The following SETX variants were observed in gnomAD, a reference collection of about 807,000 sequenced individuals.
The protein encoded by SETX is senataxin.
Under a neutral mutation model 227.2 loss-of-function variants are expected in SETX, and 90 were observed. That is an observed-to-expected ratio of 0.40 (90% CI 0.33 to 0.47). The LOEUF (loss-of-function observed/expected upper bound fraction) is 0.47, where lower values mean the gene tolerates loss of function less well. SETX is among the 20% of genes least tolerant of loss of function. SETX has a pLI of 0.91. For missense variants in SETX, 3,052 were observed against 3,181.5 expected (o/e 0.96, Z 0.98); for synonymous variants, 1,210 against 1,113.2 (o/e 1.09, Z -1.73).
chr9:132,277,317 A>G (rs1036799760), intron 21 of SETX, among the ~76,000 whole-genome samples, 165 bp from the exon 22 acceptor site: 8 of 152,318 alleles, frequency 5.3e-5, no homozygotes, highest in African/African-American at 1.9e-4. Context: ...TACAAAACAA[A>G]TTCTATTTCT....
intron 5 of SETX, among the ~76,000 whole-genome samples, chr9:132,339,166 T>C (rs377502378): frequency 3.3e-5 from 5 of 152,310 alleles, no homozygotes; most frequent in South Asian, 2.1e-4. Flanking sequence ...TTTCCTTTCA[T>C]AATCAATGCT....
intron 5 of SETX, among the ~76,000 whole-genome samples, chr9:132,341,474 T>A (rs1458673198): frequency 6.6e-6 from 1 of 152,068 alleles, no homozygotes; most frequent in Non-Finnish European, 1.5e-5. Flanking sequence ...TTCCTAAATA[T>A]AAATTTGGGC....
At chr9:132,273,548 G>A (rs999317517) in intron 23 of SETX, among the ~76,000 whole-genome samples, 7 of 152,130 alleles carry the variant, frequency 4.6e-5, no homozygotes, top group African/African-American at 9.7e-5. Flanking sequence ...TATTTATTCC[G>A]AAGTGTTTTA....
intron 2 of SETX, among the ~76,000 whole-genome samples, chr9:132,351,261 C>T (rs1848588901): frequency 6.6e-6 from 1 of 152,088 alleles, no homozygotes; most frequent in South Asian, 2.1e-4. Context: ...ATGATTTCAG[C>T]AGCTAACAGA....
At chr9:132,280,858 T>C (rs886253501) in intron 20 of SETX, among the ~76,000 whole-genome samples, 1 of 152,066 alleles carries the variant, frequency 6.6e-6, no homozygotes, top group African/African-American at 2.4e-5. Context: ...CAGAGAAGAG[T>C]AGACTACAGT....
rs948232391 is a variant in SETX at position 132,327,991 on chromosome 9, T to C, written c.3607A>G (p.Arg1203Gly). The C allele has an allele frequency of 3.7e-6, 6 of 1,613,722 alleles. No homozygotes were observed. Among genetic ancestry groups the C allele is most frequent in the African/African-American group, 1.3e-5 (1 of 74,904 alleles). The change falls in exon 10 of 26, where the codon AGA becomes GGA. Residue 1203 changes from arginine to glycine, a missense_variant. Transcript: ENST00000224140. ...LVGNDFKSID[R>G]RTSTPNSRIQ... ...CGTGAATTGGGAGTTGAAGTCCTTC[T>C]ATCAATACTTTTAAAATCATTTCCC...
chr9:132,339,984 A>T (rs998312417), intron 5 of SETX, among the ~76,000 whole-genome samples: 1 of 151,990 alleles, frequency 6.6e-6, no homozygotes, highest in Non-Finnish European at 1.5e-5. Flanking sequence ...CTTTGTTAAC[A>T]CTACTACTTC....
At position 132,277,116 on chromosome 9, in the gene SETX, T is replaced by C. The variant is rs750099198; in HGVS notation, c.6879A>G (p.Pro2293=). ...TEAIRCSSDW[P]FQPYLVFDVG... ...CATCAAACACAAGGTATGGCTGAAA[T>C]GGCCAATCTGATGAACATCGAATGG... The change falls in exon 22 of 26, where the codon CCA becomes CCG. Residue 2293 remains proline, a synonymous_variant. Transcript: ENST00000224140. 11 of 1,613,242 alleles carry C rather than the reference T, an allele frequency of 6.8e-6. No homozygotes were observed. The highest frequency in any genetic ancestry group is 6.6e-5 in the South Asian group (6 of 91,078).
intron 10 of SETX, among the ~76,000 whole-genome samples, chr9:132,315,897 T>C (rs1469491951): frequency 6.6e-6 from 1 of 152,164 alleles, no homozygotes; most frequent in Non-Finnish European, 1.5e-5. Flanking sequence ...GCTGTGTTAG[T>C]ATAACCGAAA....
chr9:132,339,486 A>G (rs1847835878), intron 5 of SETX, among the ~76,000 whole-genome samples: 1 of 152,158 alleles, frequency 6.6e-6, no homozygotes, highest in African/African-American at 2.4e-5. Context: ...TCACCTTACA[A>G]TCTAAATGCT....
rs3739917 is a variant in SETX at position 132,354,835 on chromosome 9, C to T, written c.-115+82G>A. On this transcript the variant is annotated intron_variant, in intron 1 of 25. Transcript: ENST00000224140. ...CGGGACCTAGGCGCCGCGATGGTTC[C>T]CCGAAGCGGCCCTGCAAGCACAAGC... 8,401 of 152,270 alleles carry T rather than the reference C, an allele frequency of 0.055. 346 individuals are homozygous for T. Among genetic ancestry groups the T allele is most frequent in the East Asian group, 0.25 (1,268 of 5,104 alleles). The allele number at this position is 152,270 out of a possible 1,614,324, so 9.4% of individuals were successfully genotyped here. A position where few individuals can be genotyped will look rare whatever the true frequency, so the allele number is the denominator to read the frequency against.
chr9:132,301,088 C>CTTTT (rs200657740), intron 11 of SETX, among the ~76,000 whole-genome samples: 37 of 123,964 alleles, frequency 3.0e-4, no homozygotes, highest in Non-Finnish European at 5.0e-4. Flanking sequence ...GTTTATTCTG[C>CTTTT]TTTTTTTTTT....
intron 18 of SETX, among the ~76,000 whole-genome samples, chr9:132,285,021 G>C (rs1268462219): frequency 6.6e-6 from 1 of 152,006 alleles, no homozygotes; most frequent in African/African-American, 2.4e-5. Context: ...TGGGATTACA[G>C]GTGCCCACCA....
intron 10 of SETX, among the ~76,000 whole-genome samples, chr9:132,317,258 AT>A (rs548792989): frequency 2.6e-5 from 4 of 151,816 alleles, no homozygotes; most frequent in African/African-American, 9.7e-5. Flanking sequence ...GACACTACGT[AT>A]TTTTTTGCAC....
At chr9:132,293,873 A>C (rs1589662702) in intron 15 of SETX, among the ~76,000 whole-genome samples, 1 of 152,082 alleles carries the variant, frequency 6.6e-6, no homozygotes, top group East Asian at 1.9e-4. Context: ...AAATACAAAA[A>C]ATTAGCCGGG....
intron 25 of SETX, 144 bp from the exon 26 acceptor site, chr9:132,265,129 A>G: frequency 9.9e-7 from 1 of 1,012,708 alleles, no homozygotes; most frequent in Non-Finnish European, 1.4e-6. Flanking sequence ...TCAGACAAGG[A>G]TGAAAGGAAA....
chr9:132,346,059 A>G (rs1331760115), intron 4 of SETX, among the ~76,000 whole-genome samples: 3 of 152,170 alleles, frequency 2.0e-5, no homozygotes, highest in African/African-American at 7.2e-5. Flanking sequence ...CCTCTGAACA[A>G]GATAAGTTTG....
At chr9:132,335,972 T>G (rs1006590342) in intron 6 of SETX, among the ~76,000 whole-genome samples, 9 of 152,164 alleles carry the variant, frequency 5.9e-5, no homozygotes, top group African/African-American at 2.2e-4. Flanking sequence ...CCGGGCGCGG[T>G]AGCTCACGCC....
chr9:132,269,507 C>T (rs781729500), intron 25 of SETX, 108 bp downstream of exon 25: 137 of 1,601,942 alleles, frequency 8.6e-5, no homozygotes, highest in Non-Finnish European at 1.1e-4. Flanking sequence ...ACATAACAAC[C>T]ATTATTTTGT....
Sources: gnomAD v4.1 joint callset for allele counts (sites outside exome capture counted in the v4.1 genomes callset) on GRCh38, gnomAD v4.1.1 for gene constraint, MANE v1.5 for transcripts, NCBI Gene and HGNC (gene_info 2026-07-23, HGNC 2026-07-21) for gene names.